Variants in DRC9 observed in about 807,000 individuals in gnomAD.
DRC9 encodes dynein regulatory complex protein 9.
chr3:197,904,000 ATAC>A, the DRC9 span, among the ~76,000 whole-genome samples: 1 of 132,858 alleles, frequency 7.5e-6, no homozygotes, highest in Admixed American at 7.4e-5. Context: ...ACATATATAT[ATAC>A]ATACATATAT....
chr3:197,915,549 C>T, the DRC9 span, among the ~76,000 whole-genome samples: 1 of 152,204 alleles, frequency 6.6e-6, no homozygotes, highest in African/African-American at 2.4e-5. Context: ...GACCTGACGG[C>T]ACAGCAAACA....
At chr3:197,911,798 C>A in the DRC9 span, among the ~76,000 whole-genome samples, 11 of 151,916 alleles carry the variant, frequency 7.2e-5, no homozygotes, top group Non-Finnish European at 1.5e-4. Context: ...CGCCACCATG[C>A]CTGGCTAATT....
chr3:197,950,628 TC>T, the DRC9 span: 10 of 442,378 alleles, frequency 2.3e-5, no homozygotes, highest in Non-Finnish European at 4.0e-5. Context: ...AGGCTTCATT[TC>T]TTTTCCTGAG....
chr3:197,929,703 C>T, the DRC9 span, among the ~76,000 whole-genome samples: 7 of 152,078 alleles, frequency 4.6e-5, no homozygotes, highest in African/African-American at 1.7e-4. The surrounding 1 kb of genome is among the most constrained non-coding windows in gnomAD (Gnocchi z 4.6). Context: ...CTCAGGAGTT[C>T]GAGGCTGCAG....
At chr3:197,932,495 C>T in the DRC9 span, among the ~76,000 whole-genome samples, 188 of 151,764 alleles carry the variant, frequency 1.2e-3, 1 homozygote, top group African/African-American at 4.5e-3. Flanking sequence ...ATTAGCCAGG[C>T]GCGGTGGCAG....
At chr3:197,919,275 A>G in the DRC9 span, among the ~76,000 whole-genome samples, 1 of 152,222 alleles carries the variant, frequency 6.6e-6, no homozygotes, top group African/African-American at 2.4e-5. Context: ...AACACAGAGA[A>G]AGATATAAAA....
chr3:197,898,199 A>G, the DRC9 span, among the ~76,000 whole-genome samples: 7 of 152,186 alleles, frequency 4.6e-5, no homozygotes, highest in Non-Finnish European at 8.8e-5. Flanking sequence ...CACCTCCTCC[A>G]AGTACCCAGA....
the DRC9 span, among the ~76,000 whole-genome samples, chr3:197,946,602 G>C: frequency 6.6e-6 from 1 of 152,152 alleles, no homozygotes; most frequent in Non-Finnish European, 1.5e-5. Context: ...TGGACAGTGA[G>C]TGGTGAGTTT....
At chr3:197,912,358 A>T in the DRC9 span, 1 of 231,902 alleles carries the variant, frequency 4.3e-6, no homozygotes. Context: ...TGTAGGTCAT[A>T]ATTTGACTTA....
At chr3:197,950,782 T>G in the DRC9 span, 1 of 663,262 alleles carries the variant, frequency 1.5e-6, no homozygotes. Context: ...TGCCGGACCC[T>G]GCGTTTCATA....
chr3:197,889,403 AC>A, the DRC9 span: 1 of 711,898 alleles, frequency 1.4e-6, no homozygotes, highest in Non-Finnish European at 2.4e-6. Context: ...GGGTTTGAAA[AC>A]CCACCTAACA....
At chr3:197,951,176 T>C in the DRC9 span, 6 of 1,614,190 alleles carry the variant, frequency 3.7e-6, no homozygotes, top group Non-Finnish European at 5.1e-6. Flanking sequence ...TCCAAGGCCA[T>C]TTTTGCTGGC....
the DRC9 span, among the ~76,000 whole-genome samples, chr3:197,951,966 T>A: frequency 6.6e-6 from 1 of 151,978 alleles, no homozygotes; most frequent in African/African-American, 2.4e-5. Context: ...TAATGGGGAG[T>A]TTTAGAAGGA....
the DRC9 span, among the ~76,000 whole-genome samples, chr3:197,936,859 T>C: frequency 3.3e-3 from 505 of 152,056 alleles, 6 homozygotes; most frequent in African/African-American, 0.012. Flanking sequence ...GAAAAGGACA[T>C]GAAGCGGGCA....
At chr3:197,909,226 C>G in the DRC9 span, among the ~76,000 whole-genome samples, 1 of 152,012 alleles carries the variant, frequency 6.6e-6, no homozygotes, top group Non-Finnish European at 1.5e-5. Flanking sequence ...TATTAACAAC[C>G]AATAATAGAA....
At chr3:197,946,010 T>TA in the DRC9 span, among the ~76,000 whole-genome samples, 1 of 152,274 alleles carries the variant, frequency 6.6e-6, no homozygotes, top group Admixed American at 6.5e-5. Flanking sequence ...GTAATCTCTA[T>TA]ATACTTGATT....
the DRC9 span, chr3:197,956,624 G>GTTTTTTTTT: frequency 4.8e-4 from 65 of 135,182 alleles, no homozygotes; most frequent in African/African-American, 1.6e-3. Context: ...TTGCTGTATG[G>GTTTTTTTTT]TTTTTTTTTT....
At chr3:197,916,896 A>AC in the DRC9 span, among the ~76,000 whole-genome samples, 131 of 151,780 alleles carry the variant, frequency 8.6e-4, no homozygotes, top group African/African-American at 3.0e-3. Context: ...AAAAAAAAAA[A>AC]TCACACAAAA....
the DRC9 span, chr3:197,891,354 A>G: frequency 1.2e-3 from 834 of 706,710 alleles, 15 homozygotes; most frequent in South Asian, 0.014. Context: ...GTTCCTTGAT[A>G]TACTGAGATG....
Sources: allele counts gnomAD v4.1 joint callset (sites outside exome capture counted in the v4.1 genomes callset), GRCh38; gene constraint gnomAD v4.1.1; non-coding constraint Gnocchi (gnomAD v3.1); transcripts MANE v1.5; gene names NCBI Gene and HGNC (gene_info 2026-07-23, HGNC 2026-07-21).